Variants in CLHC1 observed in about 807,000 individuals in gnomAD.
CLHC1 encodes the protein clathrin heavy chain linker domain-containing protein 1.
Under a neutral mutation model 69.5 loss-of-function variants are expected in CLHC1, and 72 were observed. The observed-to-expected ratio is 1.04, with a 90% CI of 0.86 to 1.26. CLHC1 has a LOEUF of 1.26. Ranked by LOEUF, CLHC1 falls within the 50% of genes most tolerant of loss-of-function variation. The pLI is 0.00. For synonymous variants in CLHC1, 223 were observed against 224.3 expected (o/e 0.99, Z 0.05); for missense variants, 790 against 679.3 (o/e 1.16, Z -1.81).
chr2:55,185,447 C>T (rs1670333138), intron 9 of CLHC1, among the ~76,000 whole-genome samples: 1 of 152,184 alleles, frequency 6.6e-6, no homozygotes, highest in African/African-American at 2.4e-5. Context: ...AGACAACAGG[C>T]ACAGTTGAGG....
At chr2:55,182,939 C>T (rs1022531498) in intron 9 of CLHC1, among the ~76,000 whole-genome samples, 1 of 152,084 alleles carries the variant, frequency 6.6e-6, no homozygotes, top group African/African-American at 2.4e-5. Context: ...AATGGAAAGT[C>T]CCCAGTGAGG....
At chr2:55,228,797 A>T (rs750199287) in intron 1 of CLHC1, among the ~76,000 whole-genome samples, 6 of 152,230 alleles carry the variant, frequency 3.9e-5, no homozygotes, top group Non-Finnish European at 8.8e-5. Flanking sequence ...ACAGTATTGA[A>T]CAAAACAAAG....
Position 55,212,743 on chromosome 2 carries a change from A to AC in CLHC1, c.428dup (p.Cys143TrpfsTer2). 2 of 1,596,134 alleles carry AC rather than the reference A, an allele frequency of 1.3e-6. No individual in the cohort carries two copies. The highest frequency in any genetic ancestry group is 2.2e-5 in the South Asian group (2 of 90,726). On this transcript the variant is annotated frameshift_variant, in exon 5 of 13. Transcript: ENST00000401408. LOFTEE classifies it high-confidence loss of function. ...CTTCTTTTGTGTCATACTCTGCCCTACACTGCTTGATGTGATCTATTTGAG... is the reference window on the plus strand; with the variant it reads ...CTTCTTTTGTGTCATACTCTGCCCTACCACTGCTTGATGTGATCTATTTGAG...
intron 9 of CLHC1, among the ~76,000 whole-genome samples, chr2:55,203,698 A>G (rs1349904688): frequency 1.3e-5 from 2 of 152,196 alleles, no homozygotes; most frequent in African/African-American, 4.8e-5. Flanking sequence ...ACCTCAAACT[A>G]TGAAACCATA....
At chr2:55,179,417 A>C (rs967539716) in intron 11 of CLHC1, among the ~76,000 whole-genome samples, 5 of 152,222 alleles carry the variant, frequency 3.3e-5, no homozygotes, top group Non-Finnish European at 7.3e-5. Flanking sequence ...TTACAATAAT[A>C]GTATAGGGCA....
At chr2:55,204,797 G>T (rs186091913) in intron 9 of CLHC1, among the ~76,000 whole-genome samples, 7 of 152,102 alleles carry the variant, frequency 4.6e-5, no homozygotes, top group Non-Finnish European at 7.4e-5. Context: ...GGATGGAACC[G>T]GAGGTCATTA....
chr2:55,182,294 A>G (rs143701075), intron 9 of CLHC1, among the ~76,000 whole-genome samples: 1 of 152,316 alleles, frequency 6.6e-6, no homozygotes, highest in African/African-American at 2.4e-5. Context: ...TACTTAGTCT[A>G]ACATACCCTA....
At chr2:55,194,714 AAG>A (rs879461056) in intron 9 of CLHC1, among the ~76,000 whole-genome samples, 1 of 152,168 alleles carries the variant, frequency 6.6e-6, no homozygotes, top group Non-Finnish European at 1.5e-5. Context: ...CAATATACAA[AAG>A]TCAACTGAAT....
intron 5 of CLHC1, among the ~76,000 whole-genome samples, chr2:55,212,245 C>T (rs992227730): frequency 2.6e-5 from 4 of 152,150 alleles, no homozygotes; most frequent in African/African-American, 9.7e-5. Context: ...CCACTGCACA[C>T]CCAGCCTGGG....
At position 55,173,857 on chromosome 2, in the gene CLHC1, A is replaced by T. The variant is rs1669157850; in HGVS notation, c.*1933T>A. On this transcript the variant is annotated 3_prime_UTR_variant, in exon 13 of 13. Coordinates refer to ENST00000401408, the MANE Select transcript of CLHC1 (RefSeq NM_152385.4). ...GAGTAATAATGAGAAAAGGAAAAAC[A>T]AGGCAAAATTAGAATAACAACAACA... 6.6e-6 allele frequency among the ~76,000 whole-genome samples: 1 copy of T among 152,200 alleles called. No homozygotes were observed. The highest frequency in any genetic ancestry group is 1.5e-5 in the Non-Finnish European group (1 of 68,024).
intron 11 of CLHC1, among the ~76,000 whole-genome samples, chr2:55,178,160 G>T (rs1423139194): frequency 6.6e-6 from 1 of 152,086 alleles, no homozygotes; most frequent in Non-Finnish European, 1.5e-5. Context: ...AGTATTAGAG[G>T]TCTCCATCTA....
At chr2:55,176,495 A>G (rs1669402314) in intron 12 of CLHC1, among the ~76,000 whole-genome samples, 1 of 152,034 alleles carries the variant, frequency 6.6e-6, no homozygotes. Context: ...TAGCTGGAGA[A>G]CTCTTAATGA....
intron 9 of CLHC1, 116 bp from the exon 10 acceptor site, chr2:55,181,860 T>C: frequency 1.3e-6 from 1 of 760,132 alleles, no homozygotes; most frequent in South Asian, 1.7e-5. Flanking sequence ...AATCTAAAAT[T>C]ACACATTTAT....
rs763656059 is a variant in CLHC1 at position 55,173,386 on chromosome 2, C to T, written c.*2404G>A. On this transcript the variant is annotated 3_prime_UTR_variant, in exon 13 of 13. Transcript: ENST00000401408. ...AGAAATTGTGTGCAAAACAGGTATT[C>T]GGTAGATGTTGTTGATGCTGATGTT... 3.3e-5 allele frequency among the ~76,000 whole-genome samples: 5 copies of T among 152,120 alleles called. No individual in the cohort carries two copies. Among genetic ancestry groups the T allele is most frequent in the African/African-American group, 7.2e-5 (3 of 41,416 alleles).
intron 9 of CLHC1, among the ~76,000 whole-genome samples, chr2:55,202,083 T>G (rs991317658): frequency 6.6e-6 from 1 of 152,086 alleles, no homozygotes; most frequent in African/African-American, 2.4e-5. Context: ...CTGAAAGCCT[T>G]TCCTGTAAGA....
At position 55,209,441 on chromosome 2, in the gene CLHC1, G is replaced by C. The variant is rs765627021; in HGVS notation, c.777C>G (p.Asp259Glu). 2.2e-5 allele frequency: 35 copies of C among 1,610,572 alleles called. No individual in the cohort carries two copies. Among genetic ancestry groups the C allele is most frequent in the Non-Finnish European group, 2.5e-5 (29 of 1,178,804 alleles). Residue 259 changes from aspartate (D) to glutamate (E), a missense_variant, in exon 7 of 13, where the codon GAC (aspartate) becomes GAG (glutamate). Coordinates refer to ENST00000401408, the MANE Select transcript of CLHC1 (RefSeq NM_152385.4). ...VKSDMSSPFQ[D>E]FVEQIQKTKY... ...TGGTTTTCTGAATTTGCTCCACAAA[G>C]TCTTGAAATGGGCTGCTCATATCAG...
intron 11 of CLHC1, 115 bp from the exon 12 acceptor site, chr2:55,177,896 A>C (rs1669554784): frequency 2.8e-6 from 2 of 710,540 alleles, no homozygotes; most frequent in Admixed American, 3.0e-5. Flanking sequence ...ATCCTTTCAA[A>C]GCCCTCAATG....
At chr2:55,181,449 T>G in intron 10 of CLHC1, 121 bp downstream of exon 10, 1 of 776,092 alleles carries the variant, frequency 1.3e-6, no homozygotes, top group East Asian at 2.7e-5. Context: ...TTCTGATTAA[T>G]TGCAATAGGG....
chr2:55,183,812 C>T (rs1231067014), intron 9 of CLHC1, among the ~76,000 whole-genome samples: 1 of 152,138 alleles, frequency 6.6e-6, no homozygotes, highest in Non-Finnish European at 1.5e-5. Flanking sequence ...GATGGAGTCT[C>T]GCTCCGTCGC....
Sources: allele counts gnomAD v4.1 joint callset (sites outside exome capture counted in the v4.1 genomes callset), GRCh38; gene constraint gnomAD v4.1.1; transcripts MANE v1.5; gene names NCBI Gene and HGNC (gene_info 2026-07-23, HGNC 2026-07-21).